AGAP1: variants seen among roughly 807,000 people sequenced by gnomAD.
The protein encoded by AGAP1 is ArfGAP with GTPase domain, ankyrin repeat and PH domain 1.
Under a neutral mutation model 105.3 loss-of-function variants are expected in AGAP1, and 29 were observed. The ratio of observed to expected loss-of-function variants is 0.28; its 90% CI spans 0.21 to 0.38. The LOEUF (loss-of-function observed/expected upper bound fraction) is 0.38, where lower values mean the gene tolerates loss of function less well. Ranked by LOEUF, AGAP1 falls within the 10% of genes least tolerant of loss-of-function variation. The pLI, the probability that AGAP1 is intolerant of heterozygous loss-of-function variation, is 1.00. For missense variants in AGAP1, 998 were observed against 1,165.1 expected (o/e 0.86, Z 2.09); for synonymous variants, 509 against 485.9 (o/e 1.05, Z -0.63).
intron 1 of AGAP1, among the ~76,000 whole-genome samples, chr2:235,656,646 G>A (rs986806353): frequency 6.6e-6 from 1 of 152,132 alleles, no homozygotes; most frequent in African/African-American, 2.4e-5. Flanking sequence ...GCCAACAGGG[G>A]AACGACACAG....
intron 16 of AGAP1, among the ~76,000 whole-genome samples, chr2:236,052,584 C>T (rs915394156): frequency 1.3e-5 from 2 of 152,064 alleles, no homozygotes; most frequent in South Asian, 2.1e-4. Flanking sequence ...TGGAAGCTGA[C>T]GGCGGCTGAA....
intron 10 of AGAP1, among the ~76,000 whole-genome samples, chr2:235,886,831 T>C (rs2050297363): frequency 6.6e-6 from 1 of 152,130 alleles, no homozygotes; most frequent in African/African-American, 2.4e-5. Flanking sequence ...CAGCCAAGCA[T>C]TGGATAAAAG....
Position 235,619,946 on chromosome 2 carries a change from C to T in AGAP1, c.164-89233C>T, listed in dbSNP as rs76657481. On this transcript the variant is annotated intron_variant, in intron 1 of 17. Coordinates refer to ENST00000304032, the MANE Select transcript of AGAP1 (RefSeq NM_001037131.3). ...TGAGCCTTGGCCACTGCTGGCGCCC[C>T]GATCCCGGGCCAGTTGTTCTTGGTG... is the stretch of plus-strand genomic sequence containing the variant. Among the ~76,000 whole-genome samples, 10 of 152,206 alleles carry T rather than the reference C, an allele frequency of 6.6e-5. No individual in the cohort carries two copies. In the East Asian group the frequency reaches 9.7e-4, roughly 15 times the overall value.
rs199745326 is a variant in AGAP1 at position 236,040,771 on chromosome 2, C to T, written c.1821C>T (p.Ser607=). 3.1e-5 allele frequency: 50 copies of T among 1,613,468 alleles called. No individual in the cohort carries two copies. The African/African-American group carries it at 5.1e-4, about 16-fold the overall frequency. ...SKNKSRLTSQ[S]EAMALQSIRN... ...CCCAGTCCCGGCTGACGAGCCAGAG[C>T]GAGGCCATGGCCCTGCAGTCGATCC... The change falls in exon 15 of 18, where the codon AGC becomes AGT. Residue 607 remains serine, a synonymous_variant. Coordinates refer to ENST00000304032, the MANE Select transcript of AGAP1 (RefSeq NM_001037131.3). The surrounding 1 kb of genome is among the most constrained non-coding windows in gnomAD (Gnocchi z 5.6).
intron 1 of AGAP1, among the ~76,000 whole-genome samples, chr2:235,568,163 G>A (rs1944406586): frequency 6.6e-6 from 1 of 152,140 alleles, no homozygotes; most frequent in Non-Finnish European, 1.5e-5. Flanking sequence ...TCCATGAAAG[G>A]AGGCCCCTGA....
At chr2:235,907,288 T>C (rs2051352720) in intron 10 of AGAP1, among the ~76,000 whole-genome samples, 1 of 152,222 alleles carries the variant, frequency 6.6e-6, no homozygotes, top group South Asian at 2.1e-4. Context: ...GCATCCAGCA[T>C]GTGAGTTTAT....
chr2:235,545,596 G>A (rs1027759405), intron 1 of AGAP1, among the ~76,000 whole-genome samples: 7 of 152,194 alleles, frequency 4.6e-5, no homozygotes, highest in Admixed American at 2.6e-4. Flanking sequence ...ACACTGGCCC[G>A]TGGGCGTCAC....
Position 235,574,085 on chromosome 2 carries a change from C to G in AGAP1, c.163+79236C>G, listed in dbSNP as rs1332434095. Among the ~76,000 whole-genome samples, 2 of 152,224 alleles carry G rather than the reference C, an allele frequency of 1.3e-5. No homozygotes were observed. Among genetic ancestry groups the G allele is most frequent in the South Asian group, 2.1e-4 (1 of 4,832 alleles). ...CTGGGTGCCTTGGGGCCTGTCCTAT[C>G]TGAGGTCCACAGCCTGCAGGGACAT... is the stretch of plus-strand genomic sequence containing the variant. On this transcript the variant is annotated intron_variant, in intron 1 of 17. Coordinates refer to ENST00000304032, the MANE Select transcript of AGAP1 (RefSeq NM_001037131.3). This position sits in a 1 kb window ranked among gnomAD's most constrained non-coding sequence, Gnocchi z 5.0.
intron 6 of AGAP1, among the ~76,000 whole-genome samples, chr2:235,780,551 G>A (rs993025416): frequency 6.6e-6 from 1 of 152,076 alleles, no homozygotes; most frequent in African/African-American, 2.4e-5. Context: ...GAGTTGCTCG[G>A]CCAAGTAATT....
intron 9 of AGAP1, among the ~76,000 whole-genome samples, chr2:235,859,204 AT>A (rs547076214): frequency 5.4e-5 from 8 of 148,384 alleles, no homozygotes; most frequent in Non-Finnish European, 7.5e-5. Flanking sequence ...GGCACCTTGC[AT>A]TTTTTTTTTA....
chr2:235,889,167 T>C lies in AGAP1; in HGVS notation c.1155+5718T>C, dbSNP rs1178656638. Among the ~76,000 whole-genome samples the C allele has an allele frequency of 1.3e-5, 2 of 152,208 alleles. No homozygotes were observed. Among genetic ancestry groups the C allele is most frequent in the Non-Finnish European group, 2.9e-5 (2 of 68,032 alleles). Reference sequence around the variant, plus strand: ...GTGTGTTCGAAAATAAACCCAGCTCTTGGCCAAACAAACAGTCGGTATGTG... The same window carrying C: ...GTGTGTTCGAAAATAAACCCAGCTCCTGGCCAAACAAACAGTCGGTATGTG... On this transcript the variant is annotated intron_variant, in intron 10 of 17. Transcript: ENST00000304032. The surrounding 1 kb of genome is among the most constrained non-coding windows in gnomAD (Gnocchi z 4.6).
chr2:235,951,695 C>T lies in AGAP1; in HGVS notation c.1484-16767C>T, dbSNP rs959362478. Among the ~76,000 whole-genome samples, 5 of 152,186 alleles carry T rather than the reference C, an allele frequency of 3.3e-5. No individual in the cohort carries two copies. Among genetic ancestry groups the T allele is most frequent in the East Asian group, 1.9e-4 (1 of 5,200 alleles). ...TTCTCACTGATTCATTCTCGGGAATCGCTTGTTGTCTGTTGGTACAAAATA... is the reference window on the plus strand; with the variant it reads ...TTCTCACTGATTCATTCTCGGGAATTGCTTGTTGTCTGTTGGTACAAAATA... On this transcript the variant is annotated intron_variant, in intron 12 of 17. Transcript: ENST00000304032. The surrounding 1 kb of genome is among the most constrained non-coding windows in gnomAD (Gnocchi z 4.2).
intron 1 of AGAP1, among the ~76,000 whole-genome samples, chr2:235,498,058 G>A (rs1264292295): frequency 6.6e-6 from 1 of 152,042 alleles, no homozygotes; most frequent in Non-Finnish European, 1.5e-5. Flanking sequence ...GGGGAAGGAT[G>A]TTTTGGCTAA....
At chr2:235,560,311 T>TCTCTCTTTCTGC (rs1944105859) in intron 1 of AGAP1, among the ~76,000 whole-genome samples, 1 of 152,080 alleles carries the variant, frequency 6.6e-6, no homozygotes, top group African/African-American at 2.4e-5. Flanking sequence ...CTTCTTTCTT[T>TCTCTCTTTCTGC]CTCTCTTTCT....
At chr2:235,984,909 A>G (rs1398904113) in intron 13 of AGAP1, among the ~76,000 whole-genome samples, 1 of 152,178 alleles carries the variant, frequency 6.6e-6, no homozygotes, top group African/African-American at 2.4e-5. Context: ...GCTGCAATAA[A>G]CATATGTGTG....
chr2:236,024,627 G>T (rs895903499), intron 13 of AGAP1, among the ~76,000 whole-genome samples: 1 of 152,048 alleles, frequency 6.6e-6, no homozygotes, highest in Non-Finnish European at 1.5e-5. Context: ...ATTGATGACG[G>T]ATTGGCCCAT....
chr2:235,859,840 T>C (rs2048851305), intron 9 of AGAP1, among the ~76,000 whole-genome samples: 1 of 152,208 alleles, frequency 6.6e-6, no homozygotes, highest in East Asian at 1.9e-4. Flanking sequence ...GCTGCTCCTC[T>C]TTCGCCAGCA....
In AGAP1 at chr2:235,773,231, C is replaced by A. The variant is rs1039476035; in HGVS notation, c.673+22743C>A. 7.2e-5 allele frequency among the ~76,000 whole-genome samples: 11 copies of A among 152,160 alleles called. 1 individual carries two copies. The highest frequency in any genetic ancestry group is 2.1e-4 in the South Asian group (1 of 4,832). Reference sequence around the variant, plus strand: ...TTTCCCATTGGCCATTTGGTGTACACCCCATGCAAATGAAGTCATGGCCCC... The same window carrying A: ...TTTCCCATTGGCCATTTGGTGTACAACCCATGCAAATGAAGTCATGGCCCC... On this transcript the variant is annotated intron_variant, in intron 6 of 17. Transcript: ENST00000304032.
At chr2:235,773,340 T>C (rs375690103) in intron 6 of AGAP1, among the ~76,000 whole-genome samples, 1 of 152,150 alleles carries the variant, frequency 6.6e-6, no homozygotes, top group East Asian at 1.9e-4. Context: ...CAAATGAAGA[T>C]TTGGCCTACG....
Sources: allele counts gnomAD v4.1 joint callset (sites outside exome capture counted in the v4.1 genomes callset), GRCh38; gene constraint gnomAD v4.1.1; non-coding constraint Gnocchi (gnomAD v3.1); transcripts MANE v1.5; gene names NCBI Gene and HGNC (gene_info 2026-07-23, HGNC 2026-07-21).